The following TSNAXIP1 variants were observed in gnomAD, a reference collection of about 807,000 sequenced individuals.
TSNAXIP1 encodes translin associated factor X interacting protein 1, also known as translin-associated factor X-interacting protein 1.
TSNAXIP1 carries 89 observed loss-of-function variants against 84.8 expected under a neutral mutation model. That is an observed-to-expected ratio of 1.05 (90% CI 0.88 to 1.25). The LOEUF (loss-of-function observed/expected upper bound fraction) is 1.25. Among genes scored for constraint, TSNAXIP1 ranks in the 50% most tolerant of loss-of-function variants. The probability of loss-of-function intolerance (pLI) is 0.00; values close to 1 mark genes in which losing one functional copy is unlikely to be tolerated. For synonymous variants in TSNAXIP1, 347 were observed against 335.2 expected (o/e 1.04, Z -0.39); for missense variants, 874 against 887.6 (o/e 0.98, Z 0.20).
In TSNAXIP1 at chr16:67,825,736, C is replaced by G; in HGVS notation, c.884C>G (p.Thr295Arg). ...ATGACCCGGCAAGACCTGACCCGCACGCAGATGGAACTCAACAACATGAAG... is the reference window on the plus strand; with the variant it reads ...ATGACCCGGCAAGACCTGACCCGCAGGCAGATGGAACTCAACAACATGAAG... ...LKMTRQDLTR[T>R]QMELNNMKAN... The change falls in exon 8 of 16, where the codon ACG becomes AGG. Residue 295 changes from threonine to arginine, a missense_variant. By Grantham distance (71) the Thr-to-Arg change is moderately conservative. Coordinates refer to ENST00000561639, the MANE Select transcript of TSNAXIP1 (RefSeq NM_001288990.3). 8 of 1,614,150 alleles carry G rather than the reference C, an allele frequency of 5.0e-6. No individual in the cohort carries two copies. The highest frequency in any genetic ancestry group is 6.8e-6 in the Non-Finnish European group (8 of 1,180,032).
At chr16:67,808,442 TG>T (rs1370925098) in intron 1 of TSNAXIP1, among the ~76,000 whole-genome samples, 1 of 151,694 alleles carries the variant, frequency 6.6e-6, no homozygotes, top group East Asian at 1.9e-4. Context: ...GGCATGGGGG[TG>T]GGCACCTGTA....
intron 2 of TSNAXIP1, among the ~76,000 whole-genome samples, chr16:67,819,549 C>T (rs190848370): frequency 4.6e-5 from 7 of 152,064 alleles, no homozygotes; most frequent in Non-Finnish European, 8.8e-5. Context: ...GCTGGGATTA[C>T]GGGCATGAGC....
rs1275235658 is a variant in TSNAXIP1 at position 67,819,842 on chromosome 16, C to T, written c.148-997C>T. ...TTTTTTTTTTTTTTTTTTTTTGAGACTGAGTCTCGCTCTGTCGCCAGGCTG... is the reference window on the plus strand; with the variant it reads ...TTTTTTTTTTTTTTTTTTTTTGAGATTGAGTCTCGCTCTGTCGCCAGGCTG... On this transcript the variant is annotated intron_variant, in intron 2 of 15. Transcript: ENST00000561639. 1.5e-4 allele frequency among the ~76,000 whole-genome samples: 15 copies of T among 98,604 alleles called. No homozygotes were observed. The East Asian group carries it at 3.5e-3, about 23-fold the overall frequency. 64.7% of individuals were successfully genotyped at this position (98,604 alleles called of 152,430 possible). A position where few individuals can be genotyped will look rare whatever the true frequency, so the allele number is the denominator to read the frequency against.
chr16:67,823,634 A>G lies in TSNAXIP1; in HGVS notation c.396A>G (p.Arg132=), dbSNP rs745322961. The change falls in exon 5 of 16, where the codon AGA becomes AGG. Residue 132 remains arginine (R), a synonymous_variant. Transcript: ENST00000561639. ...TTCCCTTTTCTTGCCAGCCTTACAG[A>G]GAGATCTTTGAGTTCTTCATAGAGG... ...STQELRLQPY[R]EIFEFFIEDF... The G allele has an allele frequency of 8.1e-6, 13 of 1,613,512 alleles. No individual in the cohort carries two copies. Among genetic ancestry groups the G allele is most frequent in the Non-Finnish European group, 1.1e-5 (13 of 1,179,688 alleles).
Position 67,825,536 on chromosome 16 carries a change from T to C in TSNAXIP1, c.815-131T>C, listed in dbSNP as rs1305371812. The C allele has an allele frequency of 6.7e-6, 9 of 1,337,188 alleles. No homozygotes were observed. The South Asian group carries it at 8.5e-5, about 13-fold the overall frequency. 82.8% of individuals were successfully genotyped at this position (1,337,188 alleles called of 1,614,324 possible). On this transcript the variant is annotated intron_variant, in intron 7 of 15. Coordinates refer to ENST00000561639, the MANE Select transcript of TSNAXIP1 (RefSeq NM_001288990.3). ...CTCAGTTTCCTGGGCTTCTAGACTT[T>C]AGCCTGAAACCCTAGGCTGGTAGTG... is the stretch of plus-strand genomic sequence containing the variant.
intron 1 of TSNAXIP1, among the ~76,000 whole-genome samples, chr16:67,808,702 G>A (rs1200981374): frequency 1.3e-5 from 2 of 151,868 alleles, no homozygotes; most frequent in Admixed American, 6.6e-5. Context: ...CCAAGATCAC[G>A]CCACTGCACT....
chr16:67,812,169 C>T lies in TSNAXIP1; in HGVS notation c.48-2133C>T, dbSNP rs574655639. On this transcript the variant is annotated intron_variant, in intron 1 of 15. Coordinates refer to ENST00000561639, the MANE Select transcript of TSNAXIP1 (RefSeq NM_001288990.3). ...ATCTGGCAACATAAATCACACACCCCCACCCCATGGATTGTTGGAATTACT... is the reference window on the plus strand; with the variant it reads ...ATCTGGCAACATAAATCACACACCCTCACCCCATGGATTGTTGGAATTACT... Among the ~76,000 whole-genome samples, 8 of 151,984 alleles carry T rather than the reference C, an allele frequency of 5.3e-5. No individual in the cohort carries two copies. In the South Asian group the frequency reaches 1.5e-3, roughly 28 times the overall value.
chr16:67,814,180 G>A (rs1246601724), intron 1 of TSNAXIP1, 122 bp from the exon 2 acceptor site: 21 of 728,792 alleles, frequency 2.9e-5, no homozygotes, highest in Middle Eastern at 2.4e-4. Context: ...CTGGGAATCC[G>A]GAGGCAGCAC....
rs780144833 is a variant in TSNAXIP1 at position 67,827,732 on chromosome 16, ACT to A, written c.1899-16_1899-15del. The A allele has an allele frequency of 3.1e-6, 5 of 1,612,980 alleles. No homozygotes were observed. The African/African-American group carries it at 4.0e-5, about 13-fold the overall frequency. ...CGGAGAGGAGGGGTCAGGGCCTGTCACTCTCTTTCCTGTGGGGCAGCCATGAG... is the reference window on the plus strand; with the variant it reads ...CGGAGAGGAGGGGTCAGGGCCTGTCACTCTTTCCTGTGGGGCAGCCATGAG... On this transcript the variant is annotated intron_variant, in intron 15 of 15. Transcript: ENST00000561639.
intron 4 of TSNAXIP1, among the ~76,000 whole-genome samples, chr16:67,822,292 A>AG (rs1225504673): frequency 6.6e-5 from 10 of 151,730 alleles, no homozygotes; most frequent in Admixed American, 2.6e-4. Context: ...AAAAAAAAAA[A>AG]AAAAAGAAAA....
intron 13 of TSNAXIP1, 53 bp from the exon 14 acceptor site, chr16:67,827,196 A>G: frequency 6.2e-7 from 1 of 1,610,838 alleles, no homozygotes; most frequent in Non-Finnish European, 8.5e-7. Flanking sequence ...CACTAGGGAG[A>G]GGCACAAGCA....
chr16:67,826,737 T>G lies in TSNAXIP1; in HGVS notation c.1447T>G (p.Phe483Val). 1 of 1,614,150 alleles carries G rather than the reference T, an allele frequency of 6.2e-7. No homozygotes were observed. Among genetic ancestry groups the G allele is most frequent in the Non-Finnish European group, 8.5e-7 (1 of 1,180,016 alleles). ...CTTCTTCAATTTCCTGGAGCATCGC[T>G]TTGGGCCCAGTGATGCCATGGCCTG... ...DFFFNFLEHR[F>V]GPSDAMAWAY... Residue 483 changes from phenylalanine to valine, a missense_variant, in exon 12 of 16, where the codon TTT becomes GTT. Phe to Val is a conservative substitution (Grantham distance 50). Transcript: ENST00000561639.
intron 4 of TSNAXIP1, among the ~76,000 whole-genome samples, chr16:67,823,096 G>A (rs1484754127): frequency 6.6e-6 from 1 of 152,236 alleles, no homozygotes; most frequent in Non-Finnish European, 1.5e-5. Flanking sequence ...GGTCATGGCA[G>A]TCCACTAGGC....
chr16:67,826,029 A>T lies in TSNAXIP1; in HGVS notation c.1097A>T (p.Glu366Val). ...GACCAATTCTTCTCTGAGCTGCAGG[A>T]GATCCAGCGCACTTCCACGCCGCGG... ...ERDQFFSELQ[E>V]IQRTSTPRPD... The change falls in exon 9 of 16, where the codon GAG becomes GTG. Residue 366 changes from glutamate to valine, a missense_variant. Coordinates refer to ENST00000561639, the MANE Select transcript of TSNAXIP1 (RefSeq NM_001288990.3). The T allele has an allele frequency of 6.2e-7, 1 of 1,613,986 alleles. No homozygotes were observed. The highest frequency in any genetic ancestry group is 8.5e-7 in the Non-Finnish European group (1 of 1,180,040).
In TSNAXIP1 at chr16:67,827,327, C is replaced by A; in HGVS notation, c.1743C>A (p.Pro581=). Residue 581 remains proline, a synonymous_variant, in exon 14 of 16, where the codon CCC becomes CCA. Coordinates refer to ENST00000561639, the MANE Select transcript of TSNAXIP1 (RefSeq NM_001288990.3). ...TGATGGAGGCAGGGGGCTGGCATCC[C>A]AGCAGCAGCAATGCAGACTTGCTCA... ...QELMEAGGWH[P]SSSNADLLNY... 6.2e-7 allele frequency: 1 copy of A among 1,614,212 alleles called. No individual in the cohort carries two copies. Among genetic ancestry groups the A allele is most frequent in the African/African-American group, 1.3e-5 (1 of 75,054 alleles).
intron 2 of TSNAXIP1, among the ~76,000 whole-genome samples, chr16:67,819,109 G>A (rs2056826821): frequency 6.6e-6 from 1 of 151,982 alleles, no homozygotes; most frequent in Non-Finnish European, 1.5e-5. Context: ...AGGCAGAGCT[G>A]CAGTGAGCAG....
intron 2 of TSNAXIP1, 100 bp downstream of exon 2, chr16:67,814,501 C>A: frequency 1.1e-6 from 1 of 950,832 alleles, no homozygotes; most frequent in Non-Finnish European, 1.6e-6. Flanking sequence ...GAAACATGCC[C>A]ACCTGAAACA....
chr16:67,826,581 C>A lies in TSNAXIP1; in HGVS notation c.1401+19C>A. 1 of 1,614,082 alleles carries A rather than the reference C, an allele frequency of 6.2e-7. No homozygotes were observed. The highest frequency in any genetic ancestry group is 8.5e-7 in the Non-Finnish European group (1 of 1,179,922). On this transcript the variant is annotated intron_variant, in intron 11 of 15. Transcript: ENST00000561639. ...GGAGCAGGTCAGATCTCACCAGCCA[C>A]TCTGGCCCAGCATGGTCTTCAGATC...
Position 67,827,860 on chromosome 16 carries a change from C to T in TSNAXIP1, c.2006C>T (p.Pro669Leu). 6.2e-7 allele frequency: 1 copy of T among 1,614,104 alleles called. No individual in the cohort carries two copies. The highest frequency in any genetic ancestry group is 1.1e-5 in the South Asian group (1 of 91,080). Reference protein sequence around the residue: ...NTYMSQAFQLPESEMPEEGDE... With the variant: ...NTYMSQAFQLLESEMPEEGDE... ...TACATGAGCCAGGCCTTCCAGCTCC[C>T]TGAGTCGGAAATGCCAGAGGAGGGT... is the stretch of plus-strand genomic sequence containing the variant. Residue 669 changes from proline to leucine, a missense_variant, in exon 16 of 16, where the codon CCT (proline) becomes CTT (leucine). Transcript: ENST00000561639.
Sources: allele counts gnomAD v4.1 joint callset (sites outside exome capture counted in the v4.1 genomes callset), GRCh38; gene constraint gnomAD v4.1.1; transcripts MANE v1.5; gene names NCBI Gene and HGNC (gene_info 2026-07-23, HGNC 2026-07-21).